The following SCARF2 variants were observed in gnomAD, a reference collection of about 807,000 sequenced individuals.
SCARF2 encodes scavenger receptor class F member 2.
Under a neutral mutation model 73.4 loss-of-function variants are expected in SCARF2, and 39 were observed. The ratio of observed to expected loss-of-function variants is 0.53; its 90% CI spans 0.41 to 0.69. The LOEUF (loss-of-function observed/expected upper bound fraction) is 0.69. Among genes scored for constraint, SCARF2 ranks in the 30% least tolerant of loss-of-function variants. The pLI is 0.00. For missense variants in SCARF2, 1,148 were observed against 1,303.5 expected (o/e 0.88, Z 1.84); for synonymous variants, 605 against 590.0 (o/e 1.03, Z -0.37).
In SCARF2 at chr22:20,431,253, A is replaced by C. The variant is rs1273695276; in HGVS notation, c.619T>G (p.Trp207Gly). Reference protein sequence around the residue: ...TGACLCHAGWWGRSCNNQCAC... With the variant: ...TGACLCHAGWGGRSCNNQCAC... ...CACTGGTTGTTGCAGCTGCGGCCCCACCAGCCTGCGTGGCACAGGCAGGCG... is the reference window on the plus strand; with the variant it reads ...CACTGGTTGTTGCAGCTGCGGCCCCCCCAGCCTGCGTGGCACAGGCAGGCG... Residue 207 changes from tryptophan to glycine, a missense_variant, in exon 4 of 11, where the codon TGG (tryptophan) becomes GGG (glycine). Trp to Gly is a radical substitution (Grantham distance 184). Coordinates refer to ENST00000622235, the MANE Select transcript of SCARF2 (RefSeq NM_182895.5). 1 of 1,549,160 alleles carries C rather than the reference A, an allele frequency of 6.5e-7. No homozygotes were observed. The highest frequency in any genetic ancestry group is 8.7e-7 in the Non-Finnish European group (1 of 1,155,904).
chr22:20,437,653 GAGCAGCAGCAGC>G lies in SCARF2; in HGVS notation c.90_101del (p.Leu31_Leu34del). 6.5e-7 allele frequency: 1 copy of G among 1,536,900 alleles called. No individual in the cohort carries two copies. Among genetic ancestry groups the G allele is most frequent in the Non-Finnish European group, 8.7e-7 (1 of 1,148,704 alleles). On this transcript the variant is annotated inframe_deletion, in exon 1 of 11. Coordinates refer to ENST00000622235, the MANE Select transcript of SCARF2 (RefSeq NM_182895.5). ...GCGCCACGGTGTCCGGCAGCATCCA[GAGCAGCAGCAGC>G]AGCAGCAGCGACGGCAGCAGCGGTG...
chr22:20,428,261 T>G (rs993104046), intron 9 of SCARF2, among the ~76,000 whole-genome samples: 1 of 142,252 alleles, frequency 7.0e-6, no homozygotes. Flanking sequence ...TCTTTTCTCT[T>G]CTCTTCTCTT....
intron 6 of SCARF2, 53 bp downstream of exon 6, chr22:20,430,376 C>T: frequency 6.4e-7 from 1 of 1,553,186 alleles, no homozygotes; most frequent in East Asian, 2.4e-5. Context: ...GGCTGGACCC[C>T]CCTCTGTGGC....
rs762527453 is a variant in SCARF2, at chr22:20,431,854, C to G, written c.233-8G>C. ...AGTTGCCTTCGCACACCGCTGTGGA[C>G]GAGACAGGCCAGAGCTGCTGCGCGT... On this transcript the variant is annotated splice_polypyrimidine_tract_variant and splice_region_variant and intron_variant, in intron 2 of 10. Coordinates refer to ENST00000622235, the MANE Select transcript of SCARF2 (RefSeq NM_182895.5). 29 of 1,596,940 alleles carry G rather than the reference C, an allele frequency of 1.8e-5. No homozygotes were observed. Among genetic ancestry groups the G allele is most frequent in the East Asian group, 6.8e-5 (3 of 44,284 alleles).
rs1184699159 is a variant in SCARF2 at position 20,429,551 on chromosome 22, T to C, written c.1409A>G (p.Lys470Arg). 1.2e-6 allele frequency: 2 copies of C among 1,612,988 alleles called. No individual in the cohort carries two copies. The highest frequency in any genetic ancestry group is 3.3e-5 in the Admixed American group (2 of 60,000). ...LLGCCCACRG[K>R]DPTRRELSLG... is the part of the protein sequence containing the mutation. ...CTGGGCTCACCGGCGCGTAGGGTCC[T>C]TGCCGCGGCAAGCGCAGCAGCAGCC... Residue 470 changes from lysine to arginine, a missense_variant, in exon 8 of 11, where the codon AAG becomes AGG. Lys to Arg is a conservative substitution (Grantham distance 26). Transcript: ENST00000622235. The surrounding 1 kb of genome is among the most constrained non-coding windows in gnomAD (Gnocchi z 5.2).
chr22:20,425,803 C>T lies in SCARF2; in HGVS notation c.2173G>A (p.Gly725Arg), dbSNP rs755214686. Residue 725 changes from glycine (G) to arginine (R), a missense_variant, in exon 11 of 11, where the codon GGG (glycine) becomes AGG (arginine). By Grantham distance (125) the Gly-to-Arg change is moderately radical. Coordinates refer to ENST00000622235, the MANE Select transcript of SCARF2 (RefSeq NM_182895.5). This position sits in a 1 kb window ranked among gnomAD's most constrained non-coding sequence, Gnocchi z 4.6. ...RTRDPTPRPP[G>R]LPEEATALAA... Reference sequence around the variant, plus strand: ...AGGGCTGTCGCCTCCTCGGGCAGCCCGGGGGGCCGCGGCGTTGGGTCGCGG... The same window carrying T: ...AGGGCTGTCGCCTCCTCGGGCAGCCTGGGGGGCCGCGGCGTTGGGTCGCGG... The T allele has an allele frequency of 4.4e-5, 67 of 1,511,718 alleles. No homozygotes were observed. The Admixed American group carries it at 1.4e-3, about 31-fold the overall frequency. 93.6% of individuals were successfully genotyped at this position (1,511,718 alleles called of 1,614,324 possible).
rs964052649 is a variant in SCARF2 at position 20,426,090 on chromosome 22, C to T, written c.1886G>A (p.Arg629His). ...CCGGGCCCGGGCCGGCCGGGCCTCGCGTCGGGCCACGCGCGCGTACAGAGC... is the reference window on the plus strand; with the variant it reads ...CCGGGCCCGGGCCGGCCGGGCCTCGTGTCGGGCCACGCGCGCGTACAGAGC... ...GGALYARVARREARPARARGE... is the reference protein window; with the variant it reads ...GGALYARVARHEARPARARGE... Residue 629 changes from arginine to histidine, a missense_variant, in exon 11 of 11, where the codon CGC (arginine) becomes CAC (histidine). Arg to His is a conservative substitution (Grantham distance 29). Around this residue, in one of 5 missense-constraint regions of SCARF2, gnomAD observed 437 missense variants for 433.6 expected, o/e 1.01. Transcript: ENST00000622235. The T allele has an allele frequency of 1.6e-5, 24 of 1,505,568 alleles. No individual in the cohort carries two copies. The Admixed American group carries it at 2.6e-4, about 16-fold the overall frequency. The allele number at this position is 1,505,568 out of a possible 1,614,324, so 93.3% of individuals were successfully genotyped here.
chr22:20,431,118 G>A lies in SCARF2; in HGVS notation c.754C>T (p.His252Tyr). 6.4e-7 allele frequency: 1 copy of A among 1,561,814 alleles called. No homozygotes were observed. The highest frequency in any genetic ancestry group is 8.6e-7 in the Non-Finnish European group (1 of 1,162,060). The change falls in exon 4 of 11, where the codon CAC becomes TAC. Residue 252 changes from histidine (H) to tyrosine (Y), a missense_variant. His to Tyr is a moderately conservative substitution (Grantham distance 83). Transcript: ENST00000622235. The stretch of plus-strand genomic sequence containing the variant: ...CAGGCACACGTGCCGTCCACAGGGT[G>A]GCAGCGGCCGCGGAAGCACTGGCAG... Reference protein sequence around the residue: ...RYCQCFRGRCHPVDGTCACEP... With the variant: ...RYCQCFRGRCYPVDGTCACEP...
In SCARF2 at chr22:20,425,525, T is replaced by A; in HGVS notation, c.2451A>T (p.Pro817=). The A allele has an allele frequency of 7.4e-7, 1 of 1,345,298 alleles. No individual in the cohort carries two copies. Among genetic ancestry groups the A allele is most frequent in the Non-Finnish European group, 9.5e-7 (1 of 1,051,262 alleles). 83.3% of individuals were successfully genotyped at this position (1,345,298 alleles called of 1,614,324 possible). Residue 817 remains proline, a synonymous_variant, in exon 11 of 11, where the codon CCA becomes CCT. Coordinates refer to ENST00000622235, the MANE Select transcript of SCARF2 (RefSeq NM_182895.5). This position sits in a 1 kb window ranked among gnomAD's most constrained non-coding sequence, Gnocchi z 4.6. ...VPPASPARAP[P]ATETPGPEKA... is the part of the protein sequence containing the mutation. Reference sequence around the variant, plus strand: ...TCTCAGGCCCCGGGGTTTCGGTCGCTGGGGGCGCGCGGGCGGGCGAGGCTG... The same window carrying A: ...TCTCAGGCCCCGGGGTTTCGGTCGCAGGGGGCGCGCGGGCGGGCGAGGCTG...
At position 20,430,690 on chromosome 22, in the gene SCARF2, C is replaced by T. The variant is rs764348687; in HGVS notation, c.1073G>A (p.Arg358Gln). ...TRCNAGWIGD[R>Q]CETKCSNGTY... Reference sequence around the variant, plus strand: ...GGCCGACGCAGGCAGGGCTGCTCACCGGTCGCCGATCCAGCCCGCGTTGCA... The same window carrying T: ...GGCCGACGCAGGCAGGGCTGCTCACTGGTCGCCGATCCAGCCCGCGTTGCA... Residue 358 changes from arginine to glutamine, a missense_variant and splice_region_variant, in exon 5 of 11, where the codon CGG (arginine) becomes CAG (glutamine). Physicochemically the swap from Arg to Gln is conservative, Grantham distance 43 (BLOSUM62 1). Coordinates refer to ENST00000622235, the MANE Select transcript of SCARF2 (RefSeq NM_182895.5). 1.9e-6 allele frequency: 3 copies of T among 1,597,510 alleles called. No individual in the cohort carries two copies. In the South Asian group the frequency reaches 3.4e-5, roughly 18 times the overall value.
chr22:20,427,756 C>T (rs1363330362), intron 9 of SCARF2, among the ~76,000 whole-genome samples: 2 of 152,168 alleles, frequency 1.3e-5, no homozygotes, highest in Non-Finnish European at 2.9e-5. Flanking sequence ...GAAACATGGG[C>T]ACAACATGTG....
Position 20,425,139 on chromosome 22 carries a change from G to A in SCARF2, c.*236C>T. The A allele has an allele frequency of 2.5e-6, 1 of 394,706 alleles. No individual in the cohort carries two copies. Among genetic ancestry groups the A allele is most frequent in the African/African-American group, 2.1e-5 (1 of 48,424 alleles). The allele number at this position is 394,706 out of a possible 1,614,324, so 24.5% of individuals were successfully genotyped here. On this transcript the variant is annotated 3_prime_UTR_variant, in exon 11 of 11. Transcript: ENST00000622235. This position sits in a 1 kb window ranked among gnomAD's most constrained non-coding sequence, Gnocchi z 4.6. Reference sequence around the variant, plus strand: ...GCTCCATAACTCGGCCAATGGGGAGGGAGTCGCCCGCTAAGCGCCTGTCAG... The same window carrying A: ...GCTCCATAACTCGGCCAATGGGGAGAGAGTCGCCCGCTAAGCGCCTGTCAG...
chr22:20,437,109 C>T (rs2052708859), intron 1 of SCARF2, among the ~76,000 whole-genome samples: 1 of 152,196 alleles, frequency 6.6e-6, no homozygotes, highest in Non-Finnish European at 1.5e-5. Context: ...GCGAATCTGT[C>T]TTTCCAAGTC....
intron 9 of SCARF2, among the ~76,000 whole-genome samples, chr22:20,428,494 G>T (rs570123558): frequency 1.4e-4 from 21 of 152,064 alleles, no homozygotes; most frequent in Admixed American, 2.6e-4. Flanking sequence ...AGTAGAGACC[G>T]GGTTTCTCCA....
At chr22:20,430,667 C>T (rs1373176868) in intron 5 of SCARF2, 23 bp downstream of exon 5, 1 of 1,596,426 alleles carries the variant, frequency 6.3e-7, no homozygotes, top group South Asian at 1.1e-5. Context: ...CGTGTCTGGG[C>T]CGACGCAGGC....
In SCARF2 at chr22:20,430,535, C is replaced by T. The variant is rs754340473; in HGVS notation, c.1096G>A (p.Gly366Ser). Residue 366 changes from glycine (G) to serine (S), a missense_variant, in exon 6 of 11, where the codon GGC becomes AGC. Physicochemically the swap from Gly to Ser is moderately conservative, Grantham distance 56 (BLOSUM62 0). This residue lies in a region of SCARF2 where 372 missense variants were observed against 532.0 expected (regional missense o/e 0.70). Coordinates refer to ENST00000622235, the MANE Select transcript of SCARF2 (RefSeq NM_182895.5). ...GDRCETKCSN[G>S]TYGEDCAFVC... ...AAGGCGCAGTCCTCGCCGTAAGTGCCATTGCTACACTTGGTCTCGCACCTT... is the reference window on the plus strand; with the variant it reads ...AAGGCGCAGTCCTCGCCGTAAGTGCTATTGCTACACTTGGTCTCGCACCTT... 11 of 1,610,618 alleles carry T rather than the reference C, an allele frequency of 6.8e-6. No homozygotes were observed. The highest frequency in any genetic ancestry group is 4.0e-5 in the African/African-American group (3 of 74,872).
In SCARF2 at chr22:20,427,411, A is replaced by C. The variant is rs2052591458; in HGVS notation, c.1680T>G (p.Cys560Trp). Reference sequence around the variant, plus strand: ...GGCCTTACTTACCCTCATGGGGTACACAGTACACAGGGCCTTCATCAGTGG... The same window carrying C: ...GGCCTTACTTACCCTCATGGGGTACCCAGTACACAGGGCCTTCATCAGTGG... ...FDTTDEGPVY[C>W]VPHEEAPAES... The change falls in exon 10 of 11, where the codon TGT becomes TGG. Residue 560 changes from cysteine to tryptophan, a missense_variant. Physicochemically the swap from Cys to Trp is radical, Grantham distance 215. Around this residue, in one of 5 missense-constraint regions of SCARF2, gnomAD observed 437 missense variants for 433.6 expected, o/e 1.01. Transcript: ENST00000622235. 6.2e-7 allele frequency: 1 copy of C among 1,614,066 alleles called. No individual in the cohort carries two copies. The highest frequency in any genetic ancestry group is 1.3e-5 in the African/African-American group (1 of 74,924).
At chr22:20,435,982 C>T (rs2052695212) in intron 1 of SCARF2, among the ~76,000 whole-genome samples, 1 of 152,262 alleles carries the variant, frequency 6.6e-6, no homozygotes, top group Non-Finnish European at 1.5e-5. Flanking sequence ...AAAGACATGA[C>T]CCAGACCCCA....
intron 1 of SCARF2, among the ~76,000 whole-genome samples, chr22:20,436,008 G>C (rs796654051): frequency 9.8e-5 from 15 of 152,396 alleles, no homozygotes; most frequent in African/African-American, 3.6e-4. Context: ...GCAGTGCCCA[G>C]AGTGGCTGTC....
Sources: allele counts gnomAD v4.1 joint callset (sites outside exome capture counted in the v4.1 genomes callset), GRCh38; gene constraint gnomAD v4.1.1; regional missense constraint gnomAD v4.1.1; non-coding constraint Gnocchi (gnomAD v3.1); transcripts MANE v1.5; gene names NCBI Gene and HGNC (gene_info 2026-07-23, HGNC 2026-07-21).